The following GPHN variants were observed in gnomAD, a reference collection of about 807,000 sequenced individuals.
The protein encoded by GPHN is gephyrin.
GPHN carries 17 observed loss-of-function variants against 95.5 expected under a neutral mutation model. That is an observed-to-expected ratio of 0.18 (90% CI 0.12 to 0.27). The LOEUF (loss-of-function observed/expected upper bound fraction) is 0.27, where lower values mean the gene tolerates loss of function less well. Among genes scored for constraint, GPHN ranks in the 10% least tolerant of loss-of-function variants. The probability of loss-of-function intolerance (pLI) is 1.00; values close to 1 mark genes in which losing one functional copy is unlikely to be tolerated. For missense variants in GPHN, 660 were observed against 978.1 expected (o/e 0.67, Z 4.34); for synonymous variants, 320 against 322.5 (o/e 0.99, Z 0.08).
chr14:67,486,807 G>A, the GPHN span, among the ~76,000 whole-genome samples: 1 of 152,324 alleles, frequency 6.6e-6, no homozygotes, highest in African/African-American at 2.4e-5. Context: ...TAGAGGCCAT[G>A]TGGCCATAAG....
At chr14:67,363,136 G>C in the GPHN span, among the ~76,000 whole-genome samples, 1 of 151,932 alleles carries the variant, frequency 6.6e-6, no homozygotes, top group Admixed American at 6.6e-5. Context: ...TTATTTTTAT[G>C]CCCAATTTGA....
intron 1 of GPHN, among the ~76,000 whole-genome samples, chr14:66,525,340 G>GTTGT (rs1444387827): frequency 6.6e-6 from 1 of 151,570 alleles, no homozygotes; most frequent in Non-Finnish European, 1.5e-5. Flanking sequence ...TTTTGGTGGG[G>GTTGT]TTGTTTTTTT....
chr14:66,728,639 G>A (rs1386361903), intron 2 of GPHN, among the ~76,000 whole-genome samples: 1 of 152,200 alleles, frequency 6.6e-6, no homozygotes, highest in Non-Finnish European at 1.5e-5. Context: ...TAGCCCCTTT[G>A]TTTTGGCCAA....
chr14:67,079,722 G>A (rs751272934), intron 11 of GPHN, among the ~76,000 whole-genome samples: 1 of 151,774 alleles, frequency 6.6e-6, no homozygotes, highest in Non-Finnish European at 1.5e-5. Flanking sequence ...GTTTCAATTC[G>A]CAAATTCAAA....
At chr14:67,268,900 C>G in the GPHN span, among the ~76,000 whole-genome samples, 13 of 152,274 alleles carry the variant, frequency 8.5e-5, no homozygotes, top group African/African-American at 3.1e-4. Flanking sequence ...GTTCAAACCC[C>G]TCTGACACAT....
At chr14:66,940,561 C>T (rs980295754) in intron 8 of GPHN, among the ~76,000 whole-genome samples, 11 of 152,200 alleles carry the variant, frequency 7.2e-5, no homozygotes, top group African/African-American at 4.8e-5. Flanking sequence ...GCCCTATCTC[C>T]ACTGCTGTCA....
the GPHN span, among the ~76,000 whole-genome samples, chr14:67,225,977 GCGCA>G: frequency 1.4e-5 from 2 of 143,280 alleles, no homozygotes; most frequent in Admixed American, 6.8e-5. Flanking sequence ...GCGCGCGCGT[GCGCA>G]TGCGCGTGCA....
At chr14:66,911,148 T>TA (rs1417102049) in intron 5 of GPHN, among the ~76,000 whole-genome samples, 1 of 151,928 alleles carries the variant, frequency 6.6e-6, no homozygotes, top group African/African-American at 2.4e-5. Flanking sequence ...ACATGTTAAG[T>TA]AAAAGAAGCA....
At chr14:67,256,044 A>T in the GPHN span, among the ~76,000 whole-genome samples, 3 of 152,238 alleles carry the variant, frequency 2.0e-5, no homozygotes, top group Non-Finnish European at 1.5e-5. Flanking sequence ...GTTTGTTTTC[A>T]GAAAAGTAAT....
the GPHN span, among the ~76,000 whole-genome samples, chr14:67,620,287 G>GGGA: frequency 4.6e-5 from 7 of 152,072 alleles, no homozygotes; most frequent in African/African-American, 1.7e-4. Context: ...GAGGGAGGGA[G>GGGA]GGAGGGGTGG....
At chr14:66,918,580 T>C (rs2066035722) in intron 6 of GPHN, among the ~76,000 whole-genome samples, 1 of 152,188 alleles carries the variant, frequency 6.6e-6, no homozygotes, top group Admixed American at 6.5e-5. Context: ...AAGCTTTGTG[T>C]GAAATCTTGA....
the GPHN span, chr14:67,695,753 C>G: frequency 8.5e-5 from 132 of 1,557,322 alleles, no homozygotes; most frequent in Non-Finnish European, 1.1e-4. Flanking sequence ...CGTTGCTCGC[C>G]GACTATGGCT....
At chr14:67,298,733 T>C in the GPHN span, among the ~76,000 whole-genome samples, 1 of 152,200 alleles carries the variant, frequency 6.6e-6, no homozygotes, top group African/African-American at 2.4e-5. Context: ...TTTTGACATA[T>C]ATGTACATCT....
the GPHN span, among the ~76,000 whole-genome samples, chr14:67,568,281 C>T: frequency 2.0e-4 from 30 of 152,150 alleles, no homozygotes; most frequent in Non-Finnish European, 3.7e-4. Context: ...GGAATGAGGT[C>T]ATGTCCTTTG....
rs140364544 is a variant in GPHN, at chr14:66,829,788, A to G, written c.294+5222A>G. On this transcript the variant is annotated intron_variant, in intron 4 of 22. Coordinates refer to ENST00000478722, the MANE Select transcript of GPHN (RefSeq NM_020806.5). Reference sequence around the variant, plus strand: ...GTGAAGCTTTTGTTTTTAATCCTCAATATGTGTTCAGTGCCATGCTTGGTA... The same window carrying G: ...GTGAAGCTTTTGTTTTTAATCCTCAGTATGTGTTCAGTGCCATGCTTGGTA... Among the ~76,000 whole-genome samples the G allele has an allele frequency of 3.5e-3, 532 of 152,170 alleles. 2 individuals are homozygous for G. The highest frequency in any genetic ancestry group is 0.012 in the African/African-American group (499 of 41,530).
chr14:67,273,635 C>T, the GPHN span, among the ~76,000 whole-genome samples: 1 of 152,156 alleles, frequency 6.6e-6, no homozygotes, highest in Admixed American at 6.5e-5. Context: ...TGGGTATATA[C>T]CCAGTAATGG....
intron 3 of GPHN, among the ~76,000 whole-genome samples, chr14:66,811,638 A>G (rs1454234142): frequency 1.3e-5 from 2 of 152,188 alleles, no homozygotes; most frequent in East Asian, 1.9e-4. Flanking sequence ...CTAGTTTACA[A>G]TTGTATAACA....
intron 1 of GPHN, among the ~76,000 whole-genome samples, chr14:66,562,114 A>G (rs533857495): frequency 6.6e-6 from 1 of 152,252 alleles, no homozygotes; most frequent in East Asian, 1.9e-4. Context: ...CAAAATCCTT[A>G]GTATTAATTG....
chr14:67,397,937 C>T, the GPHN span: 1 of 826,730 alleles, frequency 1.2e-6, no homozygotes, highest in South Asian at 2.2e-5. Context: ...GGAAATCAGT[C>T]TCCAAGGAAG....
Sources: gnomAD v4.1 joint callset for allele counts (sites outside exome capture counted in the v4.1 genomes callset) on GRCh38, gnomAD v4.1.1 for gene constraint, MANE v1.5 for transcripts, NCBI Gene and HGNC (gene_info 2026-07-23, HGNC 2026-07-21) for gene names.